The following EFCAB6 variants were observed in gnomAD, a reference collection of about 807,000 sequenced individuals.
The protein encoded by EFCAB6 is EF-hand calcium binding domain 6.
Under a neutral mutation model 169.8 loss-of-function variants are expected in EFCAB6, and 156 were observed. That is an observed-to-expected ratio of 0.92 (90% CI 0.81 to 1.05). EFCAB6 has a LOEUF of 1.05. Among genes scored for constraint, EFCAB6 ranks in the 50% least tolerant of loss-of-function variants. The pLI is 0.00. For missense variants in EFCAB6, 1,800 were observed against 1,829.1 expected (o/e 0.98, Z 0.29); for synonymous variants, 698 against 676.4 (o/e 1.03, Z -0.50).
Position 43,576,490 on chromosome 22 carries a change from T to C in EFCAB6, c.3229-2A>G, listed in dbSNP as rs776537446. 3 of 1,519,160 alleles carry C rather than the reference T, an allele frequency of 2.0e-6. No individual in the cohort carries two copies. The highest frequency in any genetic ancestry group is 2.6e-6 in the Non-Finnish European group (3 of 1,141,578). The allele number at this position is 1,519,160 out of a possible 1,614,324, so 94.1% of individuals were successfully genotyped here. A position where few individuals can be genotyped will look rare whatever the true frequency, so the allele number is the denominator to read the frequency against. On this transcript the variant is annotated splice_acceptor_variant, in intron 25 of 31. Coordinates refer to ENST00000262726, the MANE Select transcript of EFCAB6 (RefSeq NM_022785.4). LOFTEE classifies it high-confidence loss of function. ...CTCTTTATCCAATGCAGAAAATGCCTAAAAAGAAAGAAAAGAAAAAAAGAT... is the reference window on the plus strand; with the variant it reads ...CTCTTTATCCAATGCAGAAAATGCCCAAAAAGAAAGAAAAGAAAAAAAGAT...
chr22:43,568,145 G>A (rs1284812007), intron 26 of EFCAB6, among the ~76,000 whole-genome samples: 1 of 152,184 alleles, frequency 6.6e-6, no homozygotes, highest in African/African-American at 2.4e-5. Flanking sequence ...CCCACCACAA[G>A]CCTGAACCCC....
At chr22:43,742,302 A>G (rs2060402981) in intron 6 of EFCAB6, among the ~76,000 whole-genome samples, 1 of 152,242 alleles carries the variant, frequency 6.6e-6, no homozygotes, top group Non-Finnish European at 1.5e-5. Flanking sequence ...GTATTGGCAC[A>G]CAGCCACGCC....
chr22:43,780,739 A>C (rs2061794835), intron 3 of EFCAB6, among the ~76,000 whole-genome samples: 1 of 152,176 alleles, frequency 6.6e-6, no homozygotes, highest in African/African-American at 2.4e-5. Flanking sequence ...GTTTGGGTAG[A>C]CACACGGTTG....
intron 3 of EFCAB6, among the ~76,000 whole-genome samples, chr22:43,779,468 A>G (rs1163358087): frequency 1.3e-5 from 2 of 152,210 alleles, no homozygotes; most frequent in African/African-American, 4.8e-5. Context: ...AATGCCGGGC[A>G]CGGTGGCTCA....
At chr22:43,580,863 G>T (rs2050676826) in intron 24 of EFCAB6, among the ~76,000 whole-genome samples, 1 of 152,202 alleles carries the variant, frequency 6.6e-6, no homozygotes. Context: ...GACACAGGGT[G>T]ATGAGAGGTG....
chr22:43,537,402 C>T lies in EFCAB6; in HGVS notation c.4023G>A (p.Gly1341=), dbSNP rs2047447171. Residue 1341 remains glycine (G), a synonymous_variant, in exon 29 of 32, where the codon GGG becomes GGA. Transcript: ENST00000262726. This position sits in a 1 kb window ranked among gnomAD's most constrained non-coding sequence, Gnocchi z 4.3. ...ECKEKDVARQ[G]DINASDFLAL... ...CCAGGAAATCGGAGGCGTTGATGTC[C>T]CCCTGTCTGGCCACGTCCTTCTCCT... 1 of 1,613,890 alleles carries T rather than the reference C, an allele frequency of 6.2e-7. No individual in the cohort carries two copies. The highest frequency in any genetic ancestry group is 8.5e-7 in the Non-Finnish European group (1 of 1,179,946).
chr22:43,770,846 G>T (rs1300195164), intron 4 of EFCAB6, among the ~76,000 whole-genome samples: 1 of 151,394 alleles, frequency 6.6e-6, no homozygotes, highest in East Asian at 1.9e-4. Context: ...GAATTAAAAG[G>T]AAGAGAAAAC....
At chr22:43,757,547 C>T (rs2061002412) in intron 5 of EFCAB6, among the ~76,000 whole-genome samples, 1 of 151,922 alleles carries the variant, frequency 6.6e-6, no homozygotes, top group Non-Finnish European at 1.5e-5. Context: ...AACTCCATCT[C>T]AAACAAAAAA....
At chr22:43,777,254 G>C (rs731403) in intron 3 of EFCAB6, among the ~76,000 whole-genome samples, 114,278 of 152,204 alleles carry the variant, frequency 0.75, 43,218 homozygotes, top group East Asian at 0.99. Flanking sequence ...CTGAGATGCC[G>C]GTTAGATGCG....
chr22:43,689,215 C>T (rs980696763), intron 10 of EFCAB6, among the ~76,000 whole-genome samples: 2 of 151,358 alleles, frequency 1.3e-5, no homozygotes, highest in African/African-American at 2.4e-5. Context: ...TGCGGGGGGG[C>T]GCAGGGCCGG....
intron 8 of EFCAB6, among the ~76,000 whole-genome samples, chr22:43,723,439 G>GA (rs1252041741): frequency 1.3e-5 from 2 of 152,050 alleles, no homozygotes; most frequent in Non-Finnish European, 2.9e-5. Context: ...TCTAAAAGTT[G>GA]AATTTTTTTA....
intron 27 of EFCAB6, among the ~76,000 whole-genome samples, chr22:43,540,955 C>G (rs756516318): frequency 2.5e-4 from 37 of 147,810 alleles, no homozygotes; most frequent in Non-Finnish European, 4.8e-4. Context: ...ATCAAAACCA[C>G]ACACCATGAA....
At chr22:43,702,966 C>T (rs1603249417) in intron 10 of EFCAB6, among the ~76,000 whole-genome samples, 1 of 152,148 alleles carries the variant, frequency 6.6e-6, no homozygotes, top group East Asian at 1.9e-4. Context: ...ATGTTCAGCC[C>T]AGCCTCAAAG....
At chr22:43,724,013 G>A (rs2059630980) in intron 8 of EFCAB6, among the ~76,000 whole-genome samples, 1 of 152,130 alleles carries the variant, frequency 6.6e-6, no homozygotes, top group African/African-American at 2.4e-5. Context: ...TCCTTATTTT[G>A]TTCTCATGAA....
rs372744887 is a variant in EFCAB6 at position 43,540,123 on chromosome 22, T to G, written c.3879+4A>C. 5.2e-5 allele frequency: 84 copies of G among 1,613,786 alleles called. No individual in the cohort carries two copies. The African/African-American group carries it at 1.0e-3, about 20-fold the overall frequency. On this transcript the variant is annotated splice_donor_region_variant and intron_variant, in intron 28 of 31. Transcript: ENST00000262726. ...TGGGACACCTGGCAGGATGGAGAAC[T>G]CACACAGGGGTGGCTCTGCGACTTT...
At chr22:43,755,907 A>G in intron 5 of EFCAB6, 75 bp from the exon 6 acceptor site, 2 of 1,293,040 alleles carry the variant, frequency 1.5e-6, no homozygotes, top group South Asian at 3.1e-5. Flanking sequence ...GCAGAGATCA[A>G]AATTACAAGG....
At chr22:43,745,495 G>T (rs1478617387) in intron 6 of EFCAB6, among the ~76,000 whole-genome samples, 2 of 152,180 alleles carry the variant, frequency 1.3e-5, no homozygotes, top group Non-Finnish European at 1.5e-5. Flanking sequence ...GCTTCTAAGA[G>T]AAGGGGGTCA....
rs182316205 is a variant in EFCAB6, at chr22:43,581,083, C to T, written c.3033-424G>A. 4.6e-5 allele frequency among the ~76,000 whole-genome samples: 7 copies of T among 152,190 alleles called. No homozygotes were observed. The East Asian group carries it at 9.7e-4, about 21-fold the overall frequency. ...CATCATGGGAAGATAAATCTGACAGCGGCTCAAAGACAGTGTGGAAGTGAG... is the reference window on the plus strand; with the variant it reads ...CATCATGGGAAGATAAATCTGACAGTGGCTCAAAGACAGTGTGGAAGTGAG... On this transcript the variant is annotated intron_variant, in intron 24 of 31. Transcript: ENST00000262726.
intron 26 of EFCAB6, among the ~76,000 whole-genome samples, chr22:43,556,057 G>A (rs2048687764): frequency 6.6e-6 from 1 of 152,222 alleles, no homozygotes; most frequent in African/African-American, 2.4e-5. Context: ...AGCAGCAGCA[G>A]ATGATGACAA....
Sources: allele counts gnomAD v4.1 joint callset (sites outside exome capture counted in the v4.1 genomes callset), GRCh38; gene constraint gnomAD v4.1.1; non-coding constraint Gnocchi (gnomAD v3.1); transcripts MANE v1.5; gene names NCBI Gene and HGNC (gene_info 2026-07-23, HGNC 2026-07-21).